The following PRRX1 variants were observed in gnomAD, a reference collection of about 807,000 sequenced individuals.
The protein encoded by PRRX1 is paired mesoderm homeobox protein 1.
A neutral mutation model predicts 24.0 loss-of-function variants in PRRX1; 8 were observed. That is an observed-to-expected ratio of 0.33 (90% CI 0.20 to 0.60). The LOEUF (loss-of-function observed/expected upper bound fraction) is 0.60, where lower values mean the gene tolerates loss of function less well. PRRX1 is among the 20% of genes least tolerant of loss of function. PRRX1 has a pLI of 0.82. For synonymous variants in PRRX1, 160 were observed against 131.7 expected (o/e 1.22, Z -1.47); for missense variants, 281 against 322.4 (o/e 0.87, Z 0.98).
At chr1:170,704,636 T>C (rs1424144825) in intron 1 of PRRX1, among the ~76,000 whole-genome samples, 2 of 152,208 alleles carry the variant, frequency 1.3e-5, no homozygotes, top group Non-Finnish European at 2.9e-5. Flanking sequence ...CTGTTTCCTG[T>C]CCTTAGCCTC....
chr1:170,683,261 T>C (rs1653615141), intron 1 of PRRX1, among the ~76,000 whole-genome samples: 1 of 152,028 alleles, frequency 6.6e-6, no homozygotes, highest in South Asian at 2.1e-4. Flanking sequence ...AGATGAGAGA[T>C]GATGGTGTCT....
chr1:170,664,106 T>TCTCTCTCTCTCTCTCTCTCTCTCC (rs1652823671), upstream of PRRX1: 3 of 1,085,682 alleles, frequency 2.8e-6, no homozygotes, highest in African/African-American at 4.9e-5. Context: ...TCTCTCTCTC[T>TCTCTCTCTCTCTCTCTCTCTCTCC]CCACTACCCC....
intron 1 of PRRX1, among the ~76,000 whole-genome samples, chr1:170,671,418 C>G (rs1163331657): frequency 6.6e-6 from 1 of 152,262 alleles, no homozygotes; most frequent in East Asian, 1.9e-4. Flanking sequence ...ACCCCCACCC[C>G]ATCTTCGCAG....
chr1:170,715,811 C>T (rs2101914523), intron 1 of PRRX1, among the ~76,000 whole-genome samples: 1 of 152,288 alleles, frequency 6.6e-6, no homozygotes, highest in African/African-American at 2.4e-5. Context: ...TATTCATCGA[C>T]CCTCTTTCTC....
intron 1 of PRRX1, among the ~76,000 whole-genome samples, chr1:170,698,466 AG>A (rs1654248295): frequency 6.6e-6 from 1 of 152,188 alleles, no homozygotes; most frequent in Non-Finnish European, 1.5e-5. Context: ...CAATGCAAAA[AG>A]GCTTCTTCCA....
chr1:170,686,037 T>C (rs1313257120), intron 1 of PRRX1, among the ~76,000 whole-genome samples: 1 of 152,114 alleles, frequency 6.6e-6, no homozygotes, highest in Non-Finnish European at 1.5e-5. Context: ...CAATATTGCT[T>C]CACTCTGTTA....
At chr1:170,697,553 G>T (rs563960216) in intron 1 of PRRX1, among the ~76,000 whole-genome samples, 154 of 151,118 alleles carry the variant, frequency 1.0e-3, no homozygotes, top group African/African-American at 3.6e-3. Flanking sequence ...ATTATTCAAA[G>T]GCACTTTCTT....
In PRRX1 at chr1:170,738,212, A is replaced by G. The variant is rs1261499870; in HGVS notation, c.*2026A>G. 1.8e-5 allele frequency: 4 copies of G among 224,136 alleles called. No individual in the cohort carries two copies. Among genetic ancestry groups the G allele is most frequent in the Non-Finnish European group, 2.7e-5 (3 of 112,120 alleles). 13.9% of individuals were successfully genotyped at this position (224,136 alleles called of 1,614,324 possible). On this transcript the variant is annotated 3_prime_UTR_variant, in exon 4 of 4. Coordinates refer to ENST00000239461, the MANE Select transcript of PRRX1 (RefSeq NM_022716.4). ...ACATGCCAACTTTGTAGTCTGAGTG[A>G]CAGGCAAGGATTTTTGGGTTTAAGA...
chr1:170,677,886 A>G (rs867717405), intron 1 of PRRX1, among the ~76,000 whole-genome samples: 1 of 152,158 alleles, frequency 6.6e-6, no homozygotes, highest in Admixed American at 6.5e-5. Flanking sequence ...CCTTTCCTCT[A>G]GTTTCTGAAT....
chr1:170,701,764 A>T (rs973825469), intron 1 of PRRX1, among the ~76,000 whole-genome samples: 1 of 152,234 alleles, frequency 6.6e-6, no homozygotes, highest in Non-Finnish European at 1.5e-5. Context: ...TATACAGTAC[A>T]GCATGATATT....
At chr1:170,717,348 T>A (rs1348179934) in intron 1 of PRRX1, among the ~76,000 whole-genome samples, 2 of 152,246 alleles carry the variant, frequency 1.3e-5, no homozygotes, top group African/African-American at 4.8e-5. Flanking sequence ...ACTGAGATTA[T>A]GTAGCAGGTT....
At chr1:170,730,400 G>A (rs1655399418) in intron 3 of PRRX1, 2 of 1,464,112 alleles carry the variant, frequency 1.4e-6, no homozygotes, top group Non-Finnish European at 1.9e-6. Context: ...GGTTTAAGTG[G>A]GAATTCAGAG....
intron 1 of PRRX1, among the ~76,000 whole-genome samples, chr1:170,708,408 T>C (rs1406867500): frequency 2.0e-5 from 3 of 152,226 alleles, no homozygotes; most frequent in Admixed American, 2.0e-4. Flanking sequence ...AATCACCATA[T>C]AATTAAGGCT....
At chr1:170,691,596 T>C (rs1209100695) in intron 1 of PRRX1, among the ~76,000 whole-genome samples, 1 of 151,484 alleles carries the variant, frequency 6.6e-6, no homozygotes, top group Non-Finnish European at 1.5e-5. Flanking sequence ...TTAGTTCTTT[T>C]TAATATTTTT....
At chr1:170,683,070 G>A (rs2101892916) in intron 1 of PRRX1, among the ~76,000 whole-genome samples, 1 of 152,344 alleles carries the variant, frequency 6.6e-6, no homozygotes, top group South Asian at 2.1e-4. Context: ...GGGACTTGTA[G>A]GTCACACTGA....
Position 170,718,324 on chromosome 1 carries a change from C to T in PRRX1, c.242-1402C>T, listed in dbSNP as rs139023267. On this transcript the variant is annotated intron_variant, in intron 1 of 3. Coordinates refer to ENST00000239461, the MANE Select transcript of PRRX1 (RefSeq NM_022716.4). ...ATTCTCTTAGCAAAAGACTTAGAGG[C>T]CTCAGTTGTCAGGCCTCTGGATTTA... is the stretch of plus-strand genomic sequence containing the variant. Among the ~76,000 whole-genome samples the T allele has an allele frequency of 3.9e-5, 6 of 152,276 alleles. No individual in the cohort carries two copies. In the East Asian group the frequency reaches 5.8e-4, roughly 15 times the overall value.
chr1:170,688,782 T>C (rs1653828839), intron 1 of PRRX1, among the ~76,000 whole-genome samples: 3 of 152,312 alleles, frequency 2.0e-5, no homozygotes, highest in Admixed American at 1.3e-4. Context: ...TTCTGGGAAC[T>C]GTTTACAGGA....
chr1:170,700,922 C>T (rs1654333249), intron 1 of PRRX1, among the ~76,000 whole-genome samples: 1 of 152,172 alleles, frequency 6.6e-6, no homozygotes, highest in Non-Finnish European at 1.5e-5. Context: ...GATCATATCA[C>T]TTACCAGCAC....
intron 1 of PRRX1, among the ~76,000 whole-genome samples, chr1:170,690,025 A>G (rs1281121796): frequency 1.3e-5 from 2 of 151,924 alleles, no homozygotes; most frequent in Non-Finnish European, 2.9e-5. Context: ...CAGATTCCAT[A>G]CAATATATCG....
Sources: allele counts gnomAD v4.1 joint callset (sites outside exome capture counted in the v4.1 genomes callset), GRCh38; gene constraint gnomAD v4.1.1; transcripts MANE v1.5; gene names NCBI Gene and HGNC (gene_info 2026-07-23, HGNC 2026-07-21).